The following SLC71A1 variants were observed in gnomAD, a reference collection of about 807,000 sequenced individuals.
The protein encoded by SLC71A1 is solute carrier family 71 member 1.
the SLC71A1 span, among the ~76,000 whole-genome samples, chr1:100,066,011 T>A: frequency 1.3e-5 from 2 of 152,168 alleles, no homozygotes; most frequent in South Asian, 4.1e-4. Context: ...TGCTGTCACA[T>A]CTGCTAATTT....
the SLC71A1 span, among the ~76,000 whole-genome samples, chr1:100,063,159 G>C: frequency 5.3e-5 from 8 of 152,142 alleles, no homozygotes; most frequent in East Asian, 1.4e-3. Context: ...TGGTTGGTTG[G>C]TTCGTTGGTT....
chr1:100,070,428 G>GA, the SLC71A1 span, among the ~76,000 whole-genome samples: 1 of 152,152 alleles, frequency 6.6e-6, no homozygotes, highest in Non-Finnish European at 1.5e-5. Flanking sequence ...GGTAGTGAGG[G>GA]ACCAGATCGT....
chr1:100,068,616 T>C, the SLC71A1 span: 14 of 1,200,086 alleles, frequency 1.2e-5, no homozygotes, highest in Middle Eastern at 1.9e-4. Flanking sequence ...AGGTGGACTT[T>C]TCTTTCATTG....
the SLC71A1 span, among the ~76,000 whole-genome samples, chr1:100,072,484 G>A: frequency 6.6e-6 from 1 of 151,882 alleles, no homozygotes; most frequent in South Asian, 2.1e-4. Flanking sequence ...AGTAGATGAT[G>A]AGGTCAGGAT....
the SLC71A1 span, chr1:100,060,097 GT>G: frequency 8.2e-7 from 1 of 1,225,150 alleles, no homozygotes; most frequent in Non-Finnish European, 1.1e-6. Flanking sequence ...TGCCATCTTG[GT>G]TATGAGGTTT....
At chr1:100,061,997 G>C in the SLC71A1 span, 2,667 of 1,086,596 alleles carry the variant, frequency 2.5e-3, 51 homozygotes, top group African/African-American at 0.038. Flanking sequence ...GAAATGCCTT[G>C]TTTTTAAGAT....
At chr1:100,075,726 T>C in the SLC71A1 span, among the ~76,000 whole-genome samples, 15 of 152,194 alleles carry the variant, frequency 9.9e-5, no homozygotes, top group Non-Finnish European at 1.9e-4. Flanking sequence ...TCACCCAGGC[T>C]GGAGTGCAGT....
chr1:100,046,939 C>T, the SLC71A1 span, among the ~76,000 whole-genome samples: 6 of 152,224 alleles, frequency 3.9e-5, no homozygotes, highest in East Asian at 1.2e-3. Flanking sequence ...AATTTGCTTC[C>T]ATTCTGATAG....
At chr1:100,073,470 G>A in the SLC71A1 span, among the ~76,000 whole-genome samples, 1 of 152,086 alleles carries the variant, frequency 6.6e-6, no homozygotes, top group African/African-American at 2.4e-5. Context: ...TGCTTGGGGT[G>A]TTCTCTTTCC....
the SLC71A1 span, among the ~76,000 whole-genome samples, chr1:100,055,191 T>C: frequency 2.0e-5 from 3 of 152,220 alleles, no homozygotes; most frequent in South Asian, 6.2e-4. Flanking sequence ...TAGAAAGATT[T>C]GGCTTGCAGT....
At chr1:100,065,855 C>T in the SLC71A1 span, among the ~76,000 whole-genome samples, 10 of 148,820 alleles carry the variant, frequency 6.7e-5, no homozygotes, top group African/African-American at 2.3e-4. Context: ...GCTTTCCTTT[C>T]CTCTTTCCTT....
At chr1:100,057,059 T>G in the SLC71A1 span, among the ~76,000 whole-genome samples, 1 of 152,202 alleles carries the variant, frequency 6.6e-6, no homozygotes, top group South Asian at 2.1e-4. Context: ...CTTATACATT[T>G]TTGTTATTAA....
At chr1:100,056,094 T>C in the SLC71A1 span, among the ~76,000 whole-genome samples, 1 of 152,204 alleles carries the variant, frequency 6.6e-6, no homozygotes, top group African/African-American at 2.4e-5. Flanking sequence ...TTGGCTGTAG[T>C]CAACCTGTTG....
At chr1:100,074,946 G>T in the SLC71A1 span, among the ~76,000 whole-genome samples, 1 of 152,150 alleles carries the variant, frequency 6.6e-6, no homozygotes, top group African/African-American at 2.4e-5. Flanking sequence ...AAGGAAATGA[G>T]GCTAATAATG....
At chr1:100,072,462 A>G in the SLC71A1 span, among the ~76,000 whole-genome samples, 3 of 152,104 alleles carry the variant, frequency 2.0e-5, no homozygotes, top group Admixed American at 6.5e-5. Flanking sequence ...TGTGAGCTCT[A>G]GCGGACCTCT....
At chr1:100,055,944 G>T in the SLC71A1 span, among the ~76,000 whole-genome samples, 1 of 151,998 alleles carries the variant, frequency 6.6e-6, no homozygotes, top group Non-Finnish European at 1.5e-5. Flanking sequence ...GTAGAGATGG[G>T]GTTTCACCGT....
the SLC71A1 span, chr1:100,058,663 T>C: frequency 6.7e-7 from 1 of 1,500,574 alleles, no homozygotes; most frequent in Non-Finnish European, 9.3e-7. Flanking sequence ...TTTTATTCTT[T>C]AGGTATTACA....
the SLC71A1 span, among the ~76,000 whole-genome samples, chr1:100,059,144 G>GTTTTTTTTTTTTTTTTTTTTTTT: frequency 1.2e-4 from 9 of 75,428 alleles, no homozygotes; most frequent in African/African-American, 4.1e-4. Flanking sequence ...TCTTTTTCGT[G>GTTTTTTTTTTTTTTTTTTTTTTT]TTTTTTTTTT....
chr1:100,078,430 G>C, the SLC71A1 span: 3 of 1,520,014 alleles, frequency 2.0e-6, no homozygotes, highest in Non-Finnish European at 2.7e-6. Flanking sequence ...TACTGTTTTT[G>C]TTTTGCTGCT....
Sources: gnomAD v4.1 joint callset for allele counts (sites outside exome capture counted in the v4.1 genomes callset) on GRCh38, gnomAD v4.1.1 for gene constraint, MANE v1.5 for transcripts, NCBI Gene and HGNC (gene_info 2026-07-23, HGNC 2026-07-21) for gene names.